HIBADH: variants seen among roughly 807,000 people sequenced by gnomAD.
HIBADH encodes the protein 3-hydroxyisobutyrate dehydrogenase, also known as 3-hydroxyisobutyrate dehydrogenase, mitochondrial.
A neutral mutation model predicts 36.1 loss-of-function variants in HIBADH; 25 were observed. The observed-to-expected ratio is 0.69, with a 90% CI of 0.50 to 0.97. The LOEUF is 0.97. HIBADH is among the 50% of genes least tolerant of loss of function. HIBADH has a pLI of 0.00. For synonymous variants in HIBADH, 160 were observed against 149.5 expected, an observed-to-expected ratio of 1.07 and a Z score of -0.51; for missense variants, 421 against 418.0, an observed-to-expected ratio of 1.01 and a Z score of -0.06.
chr7:27,542,639 A>G (rs767612257), intron 5 of HIBADH, among the ~76,000 whole-genome samples: 9 of 151,404 alleles, frequency 5.9e-5, no homozygotes, highest in Non-Finnish European at 1.0e-4. Context: ...CTTTGTAGAG[A>G]TGGGGTCTTA....
intron 4 of HIBADH, among the ~76,000 whole-genome samples, chr7:27,578,142 G>C (rs188970784): frequency 6.6e-6 from 1 of 152,336 alleles, no homozygotes; most frequent in East Asian, 1.9e-4. Flanking sequence ...ATAGGGTTCT[G>C]AAAATGTGGA....
In HIBADH at chr7:27,526,182, T is replaced by G. The variant is rs1783892807; in HGVS notation, c.*32A>C. On this transcript the variant is annotated 3_prime_UTR_variant, in exon 8 of 8. Coordinates refer to ENST00000265395, the MANE Select transcript of HIBADH (RefSeq NM_152740.4). ...AAGGAGGCTCCAAGACAGAGTTTGGTTCCCAACAGTGTCCGTGGCCAAAGG... is the reference window on the plus strand; with the variant it reads ...AAGGAGGCTCCAAGACAGAGTTTGGGTCCCAACAGTGTCCGTGGCCAAAGG... 1.3e-6 allele frequency: 2 copies of G among 1,564,810 alleles called. No individual in the cohort carries two copies. The highest frequency in any genetic ancestry group is 1.2e-5 in the South Asian group (1 of 81,956).
chr7:27,542,743 C>T (rs978925991), intron 5 of HIBADH, among the ~76,000 whole-genome samples: 4 of 152,006 alleles, frequency 2.6e-5, no homozygotes, highest in East Asian at 1.9e-4. Context: ...TGAGCCATCA[C>T]GTCTGGCCAA....
intron 2 of HIBADH, among the ~76,000 whole-genome samples, chr7:27,633,021 T>A (rs1056845288): frequency 1.3e-5 from 2 of 152,048 alleles, no homozygotes; most frequent in African/African-American, 2.4e-5. Context: ...AAACACTTAC[T>A]ACAATGACTG....
intron 6 of HIBADH, 50 bp from the exon 7 acceptor site, chr7:27,531,398 G>T: frequency 6.6e-7 from 1 of 1,509,128 alleles, no homozygotes; most frequent in Non-Finnish European, 9.0e-7. Flanking sequence ...TGTACACGTC[G>T]TGCGTGACTT....
At chr7:27,573,796 A>G (rs1784663752) in intron 4 of HIBADH, among the ~76,000 whole-genome samples, 1 of 152,194 alleles carries the variant, frequency 6.6e-6, no homozygotes, top group African/African-American at 2.4e-5. Flanking sequence ...CACATATTTC[A>G]AAGACTTAGT....
chr7:27,576,970 C>CAA (rs1784719659), intron 4 of HIBADH, among the ~76,000 whole-genome samples: 1 of 152,114 alleles, frequency 6.6e-6, no homozygotes, highest in Non-Finnish European at 1.5e-5. Context: ...TTTTAAAATT[C>CAA]AAAGACACCA....
intron 4 of HIBADH, among the ~76,000 whole-genome samples, chr7:27,618,214 C>G (rs2128292890): frequency 6.6e-6 from 1 of 152,262 alleles, no homozygotes; most frequent in South Asian, 2.1e-4. Context: ...CTGGGCCAGG[C>G]AAGCTGGAGG....
intron 2 of HIBADH, among the ~76,000 whole-genome samples, chr7:27,644,793 C>T (rs73075119): frequency 0.011 from 1,617 of 151,700 alleles, 21 homozygotes; most frequent in Admixed American, 0.021. Context: ...AAATCTTATA[C>T]GCATTAGCTA....
intron 4 of HIBADH, among the ~76,000 whole-genome samples, chr7:27,606,489 CAGAT>C (rs1467157318): frequency 2.0e-5 from 3 of 152,240 alleles, no homozygotes; most frequent in African/African-American, 7.2e-5. Context: ...AGTTCTGTCA[CAGAT>C]AGAAATCTCC....
chr7:27,563,655 A>T (rs1784499246), intron 4 of HIBADH, among the ~76,000 whole-genome samples: 1 of 152,172 alleles, frequency 6.6e-6, no homozygotes, highest in Non-Finnish European at 1.5e-5. Flanking sequence ...AATGGTAATG[A>T]TGTCAAGCAT....
intron 1 of HIBADH, among the ~76,000 whole-genome samples, chr7:27,653,879 G>A (rs917439968): frequency 1.8e-4 from 28 of 152,366 alleles, no homozygotes; most frequent in Non-Finnish European, 3.1e-4. Context: ...TGAAGAGGCT[G>A]AAGGCCAAAG....
intron 4 of HIBADH, among the ~76,000 whole-genome samples, chr7:27,573,219 C>G (rs1257363134): frequency 2.0e-5 from 3 of 152,128 alleles, no homozygotes; most frequent in Non-Finnish European, 4.4e-5. Flanking sequence ...TTTTCTAATT[C>G]TCAACTTTGA....
intron 4 of HIBADH, among the ~76,000 whole-genome samples, chr7:27,579,079 T>TA (rs1784754956): frequency 6.6e-6 from 1 of 152,184 alleles, no homozygotes; most frequent in African/African-American, 2.4e-5. Flanking sequence ...CAACTAAATG[T>TA]AACATATGAA....
Position 27,613,173 on chromosome 7 carries a change from A to T in HIBADH, c.484+16198T>A, listed in dbSNP as rs13242241. ...TTTATATAAATATATATATTTATAT[A>T]AATATATTTATATAAATATATATAT... On this transcript the variant is annotated intron_variant, in intron 4 of 7. Coordinates refer to ENST00000265395, the MANE Select transcript of HIBADH (RefSeq NM_152740.4). Among the ~76,000 whole-genome samples the T allele has an allele frequency of 9.9e-3, 92 of 9,272 alleles. 1 individual carries two copies. Among genetic ancestry groups the T allele is most frequent in the South Asian group, 0.07 (35 of 502 alleles). The allele number at this position is 9,272 out of a possible 152,430, so 6.1% of individuals were successfully genotyped here.
chr7:27,563,795 A>G (rs930780444), intron 4 of HIBADH, among the ~76,000 whole-genome samples: 2 of 152,178 alleles, frequency 1.3e-5, no homozygotes, highest in African/African-American at 2.4e-5. Context: ...CATTCTGGCT[A>G]CATGGCTTTG....
intron 4 of HIBADH, among the ~76,000 whole-genome samples, chr7:27,619,575 A>C (rs576999839): frequency 6.6e-6 from 1 of 152,352 alleles, no homozygotes; most frequent in Non-Finnish European, 1.5e-5. Context: ...CAGAATAACA[A>C]TTAAGGATAT....
At chr7:27,617,780 C>A (rs1409011230) in intron 4 of HIBADH, among the ~76,000 whole-genome samples, 1 of 152,180 alleles carries the variant, frequency 6.6e-6, no homozygotes, top group South Asian at 2.1e-4. Context: ...TGAACCCTGA[C>A]ACTAGCGCAG....
At chr7:27,635,086 ATGTGTGTGTGTGTG>A (rs3072901) in intron 2 of HIBADH, among the ~76,000 whole-genome samples, 1 of 149,660 alleles carries the variant, frequency 6.7e-6, no homozygotes. Context: ...CTCTCTGTGC[ATGTGTGTGTGTGTG>A]TGTGTGTGTG....
Sources: allele counts gnomAD v4.1 joint callset (sites outside exome capture counted in the v4.1 genomes callset), GRCh38; gene constraint gnomAD v4.1.1; transcripts MANE v1.5; gene names NCBI Gene and HGNC (gene_info 2026-07-23, HGNC 2026-07-21).